The following LRMDA variants were observed in gnomAD, a reference collection of about 807,000 sequenced individuals.
LRMDA encodes leucine-rich melanocyte differentiation-associated protein.
Under a neutral mutation model 29.8 loss-of-function variants are expected in LRMDA, and 18 were observed. That is an observed-to-expected ratio of 0.60 (90% CI 0.42 to 0.90). The LOEUF (loss-of-function observed/expected upper bound fraction) is 0.90, where lower values mean the gene tolerates loss of function less well. LRMDA is among the 40% of genes least tolerant of loss of function. LRMDA has a pLI of 0.00. For missense variants in LRMDA, 273 were observed against 273.9 expected, an observed-to-expected ratio of 1.00 and a Z score of 0.02; for synonymous variants, 125 against 109.4, an observed-to-expected ratio of 1.14 and a Z score of -0.89.
intron 2 of LRMDA, among the ~76,000 whole-genome samples, chr10:75,483,070 G>A (rs10824309): frequency 0.21 from 32,092 of 151,814 alleles, 3,444 homozygotes; most frequent in Middle Eastern, 0.23. Flanking sequence ...TCAGCCTCCT[G>A]AGTAGCTGGG....
intron 3 of LRMDA, among the ~76,000 whole-genome samples, chr10:76,043,988 CGTAA>C (rs1179884810): frequency 6.7e-6 from 1 of 149,150 alleles, no homozygotes; most frequent in African/African-American, 2.5e-5. Flanking sequence ...CCCTTGTCTA[CGTAA>C]ATAATTAGAA....
At chr10:75,566,048 C>T (rs1234075620) in intron 2 of LRMDA, among the ~76,000 whole-genome samples, 1 of 152,126 alleles carries the variant, frequency 6.6e-6, no homozygotes, top group Non-Finnish European at 1.5e-5. Flanking sequence ...GCACTGCAGC[C>T]TGGGTGACAG....
intron 2 of LRMDA, among the ~76,000 whole-genome samples, chr10:75,724,644 C>T (rs572797707): frequency 6.6e-6 from 1 of 152,214 alleles, no homozygotes; most frequent in Admixed American, 6.5e-5. Context: ...CTTCAGTTGC[C>T]CCATCTCTAA....
intron 6 of LRMDA, among the ~76,000 whole-genome samples, chr10:76,531,640 T>A (rs1417088208): frequency 1.3e-5 from 2 of 152,208 alleles, no homozygotes; most frequent in Non-Finnish European, 2.9e-5. Context: ...AAAGTGTACT[T>A]GGTCATGATG....
rs535824981 is a variant in LRMDA, at chr10:76,505,807, T to C, written c.602-51402T>C. ...GGATACCATTGCTTATGAGCTAGGG[T>C]GCTTATTTGGAGGGAAAGGAACACT... On this transcript the variant is annotated intron_variant, in intron 6 of 6. Coordinates refer to ENST00000611255, the MANE Select transcript of LRMDA (RefSeq NM_001305581.2). 8.5e-5 allele frequency among the ~76,000 whole-genome samples: 13 copies of C among 152,240 alleles called. No homozygotes were observed. The South Asian group carries it at 2.1e-3, about 24-fold the overall frequency.
At chr10:75,919,042 T>C (rs752604625) in intron 2 of LRMDA, among the ~76,000 whole-genome samples, 1 of 152,196 alleles carries the variant, frequency 6.6e-6, no homozygotes, top group Non-Finnish European at 1.5e-5. Flanking sequence ...TCTTAAATCA[T>C]TGGATCCTCA....
At chr10:76,555,459 A>T (rs1843544451) in intron 6 of LRMDA, among the ~76,000 whole-genome samples, 2 of 152,144 alleles carry the variant, frequency 1.3e-5, no homozygotes, top group Admixed American at 1.3e-4. Context: ...CAGGAAGTAA[A>T]ACTAATGAGA....
intron 5 of LRMDA, among the ~76,000 whole-genome samples, chr10:76,077,476 C>T (rs1848978590): frequency 6.6e-6 from 1 of 151,864 alleles, no homozygotes; most frequent in Non-Finnish European, 1.5e-5. Flanking sequence ...CTATCCATGA[C>T]CACTGGGAAA....
intron 2 of LRMDA, among the ~76,000 whole-genome samples, chr10:75,493,313 C>T (rs956590229): frequency 2.0e-5 from 3 of 149,160 alleles, no homozygotes; most frequent in African/African-American, 7.5e-5. Context: ...TCTTTGGGAT[C>T]TCCGTGAAGA....
chr10:75,737,089 GCA>G (rs954674410), intron 2 of LRMDA, among the ~76,000 whole-genome samples: 12 of 151,144 alleles, frequency 7.9e-5, no homozygotes, highest in Admixed American at 5.3e-4. Flanking sequence ...GCACATGCAT[GCA>G]CACACACACA....
intron 5 of LRMDA, among the ~76,000 whole-genome samples, chr10:76,169,456 G>A (rs570647618): frequency 1.2e-4 from 19 of 152,294 alleles, no homozygotes; most frequent in African/African-American, 4.3e-4. Flanking sequence ...GGAGCAGACG[G>A]GATGTTGGAG....
Position 75,905,020 on chromosome 10 carries a change from C to A in LRMDA, c.132-130988C>A, listed in dbSNP as rs536277714. ...GGAGAAAGGGAAAAAAAAGTGCACA[C>A]TCTATCTGCAGCGTGCATCCAGTGT... On this transcript the variant is annotated intron_variant, in intron 2 of 6. Transcript: ENST00000611255. 8.5e-5 allele frequency among the ~76,000 whole-genome samples: 13 copies of A among 152,258 alleles called. No homozygotes were observed. The East Asian group carries it at 2.5e-3, about 29-fold the overall frequency.
At chr10:76,429,310 G>C (rs1208968357) in intron 6 of LRMDA, among the ~76,000 whole-genome samples, 1 of 152,112 alleles carries the variant, frequency 6.6e-6, no homozygotes, top group Non-Finnish European at 1.5e-5. Flanking sequence ...AATTAGCTCT[G>C]TCAGGTCTTA....
chr10:75,876,752 C>T (rs183083523), intron 2 of LRMDA, among the ~76,000 whole-genome samples: 21 of 152,288 alleles, frequency 1.4e-4, no homozygotes, highest in Admixed American at 1.4e-3. Context: ...GAGACTTTCC[C>T]AGGGGGCCTC....
chr10:76,539,483 A>T (rs1448612292), intron 6 of LRMDA, among the ~76,000 whole-genome samples: 1 of 152,160 alleles, frequency 6.6e-6, no homozygotes. Context: ...CAAACTTTTG[A>T]GTCCACCATA....
chr10:76,207,786 G>T (rs1452017958), intron 5 of LRMDA, among the ~76,000 whole-genome samples: 1 of 152,040 alleles, frequency 6.6e-6, no homozygotes, highest in Non-Finnish European at 1.5e-5. Context: ...CATCATGGTG[G>T]AACCTCATTT....
chr10:75,837,208 T>C (rs1299958589), intron 2 of LRMDA, among the ~76,000 whole-genome samples: 1 of 152,116 alleles, frequency 6.6e-6, no homozygotes, highest in African/African-American at 2.4e-5. Context: ...GTGGAGAGAA[T>C]ATAGCAAAAT....
chr10:75,883,761 C>A (rs1289434292), intron 2 of LRMDA, among the ~76,000 whole-genome samples: 1 of 151,612 alleles, frequency 6.6e-6, no homozygotes, highest in East Asian at 2.0e-4. Context: ...TTAATGACGA[C>A]AATTTCCCTA....
chr10:75,916,472 G>A (rs770159172), intron 2 of LRMDA, among the ~76,000 whole-genome samples: 4 of 152,074 alleles, frequency 2.6e-5, no homozygotes, highest in South Asian at 2.1e-4. Flanking sequence ...AGGTCACCTC[G>A]TTTCTAGAGG....
Sources: allele counts gnomAD v4.1 joint callset (sites outside exome capture counted in the v4.1 genomes callset), GRCh38; gene constraint gnomAD v4.1.1; transcripts MANE v1.5; gene names NCBI Gene and HGNC (gene_info 2026-07-23, HGNC 2026-07-21).